The following RADIL variants were observed in gnomAD, a reference collection of about 807,000 sequenced individuals.
RADIL encodes ras-associating and dilute domain-containing protein.
A neutral mutation model predicts 97.6 loss-of-function variants in RADIL; 99 were observed. That is an observed-to-expected ratio of 1.01 (90% CI 0.86 to 1.20). RADIL has a LOEUF of 1.20. Ranked by LOEUF, RADIL falls within the 50% of genes most tolerant of loss-of-function variation. RADIL has a pLI of 0.00. For synonymous variants in RADIL, 803 were observed against 691.8 expected, an observed-to-expected ratio of 1.16 and a Z score of -2.52; for missense variants, 1,765 against 1,498.9, an observed-to-expected ratio of 1.18 and a Z score of -2.93.
intron 9 of RADIL, chr7:4,811,181 T>C (rs1201695787): frequency 6.6e-6 from 1 of 152,172 alleles, no homozygotes; most frequent in Admixed American, 6.5e-5. Flanking sequence ...GTTTTTGCTT[T>C]TGTTTTTTAA....
intron 2 of RADIL, among the ~76,000 whole-genome samples, chr7:4,855,830 C>A (rs1164716323): frequency 6.6e-6 from 1 of 152,004 alleles, no homozygotes; most frequent in Non-Finnish European, 1.5e-5. Flanking sequence ...GAGTCTTGCT[C>A]TGTCGCTCAG....
In RADIL at chr7:4,835,094, T is replaced by C. The variant is rs763354669; in HGVS notation, c.929A>G (p.Gln310Arg). ...IRRQPLPDSG[Q>R]AAGRLVLEPI... ...CTCCAGGACCAGCCTCCCCGCGGCC[T>C]GGCCGCTGTCCGGGAGCGGTTGCCG... Residue 310 changes from glutamine (Q) to arginine (R), a missense_variant, in exon 4 of 15, where the codon CAG becomes CGG. Transcript: ENST00000399583. This position sits in a 1 kb window ranked among gnomAD's most constrained non-coding sequence, Gnocchi z 5.8. 1 of 1,608,524 alleles carries C rather than the reference T, an allele frequency of 6.2e-7. No individual in the cohort carries two copies. Among genetic ancestry groups the C allele is most frequent in the East Asian group, 2.2e-5 (1 of 44,688 alleles).
At position 4,883,287 on chromosome 7, in the gene RADIL, C is replaced by G. The variant is rs1021076321; in HGVS notation, c.-65+309G>C. Reference sequence around the variant, plus strand: ...CCTGGAGTTGGGGGTCCGGGGCCCACGCGGACAGCCAGGCTCAGGAGCTCT... The same window carrying G: ...CCTGGAGTTGGGGGTCCGGGGCCCAGGCGGACAGCCAGGCTCAGGAGCTCT... On this transcript the variant is annotated intron_variant, in intron 1 of 14. Coordinates refer to ENST00000399583, the MANE Select transcript of RADIL (RefSeq NM_018059.5). This position sits in a 1 kb window ranked among gnomAD's most constrained non-coding sequence, Gnocchi z 7.1. 5.3e-5 allele frequency among the ~76,000 whole-genome samples: 8 copies of G among 151,114 alleles called. No homozygotes were observed. The highest frequency in any genetic ancestry group is 1.0e-4 in the Non-Finnish European group (7 of 67,922).
chr7:4,861,647 T>A, intron 2 of RADIL: 1 of 1,607,284 alleles, frequency 6.2e-7, no homozygotes, highest in Non-Finnish European at 8.5e-7. Context: ...TTCCTCTTCC[T>A]CTTCGAAGAC....
At position 4,799,680 on chromosome 7, in the gene RADIL, G is replaced by T; in HGVS notation, c.3072C>A (p.Asp1024Glu). 1 of 1,590,596 alleles carries T rather than the reference G, an allele frequency of 6.3e-7. No homozygotes were observed. The part of the protein sequence containing the change: ...AAADGRLSLG[D>E]RILEVNGSSL... The stretch of plus-strand genomic sequence containing the variant: ...TGCTGCCATTCACCTCCAGGATACG[G>T]TCCCCCAGCGACAGGCGCCCGTCGG... Residue 1024 changes from aspartate (D) to glutamate (E), a missense_variant, in exon 14 of 15, where the codon GAC (aspartate) becomes GAA (glutamate). Asp to Glu is a conservative substitution (Grantham distance 45). Transcript: ENST00000399583.
intron 2 of RADIL, among the ~76,000 whole-genome samples, chr7:4,848,275 A>T (rs1028222112): frequency 6.6e-6 from 1 of 152,024 alleles, no homozygotes; most frequent in Non-Finnish European, 1.5e-5. Context: ...ACAACTTTGT[A>T]AATTTACTAA....
rs761054039 is a variant in RADIL at position 4,834,870 on chromosome 7, C to T, written c.1153G>A (p.Ala385Thr). Residue 385 changes from alanine (A) to threonine (T), a missense_variant, in exon 4 of 15, where the codon GCG (alanine) becomes ACG (threonine). Physicochemically the swap from Ala to Thr is moderately conservative, Grantham distance 58 (BLOSUM62 0). Transcript: ENST00000399583. The surrounding 1 kb of genome is among the most constrained non-coding windows in gnomAD (Gnocchi z 6.0). The stretch of plus-strand genomic sequence containing the variant: ...GAGGCGGCTCCCCGGGCCCCGAGCG[C>T]GGCCCCGCACAGCCGGCAGCTCTGC... Reference protein sequence around the residue: ...VPQSCRLCGAALGARGAASPT... With the variant: ...VPQSCRLCGATLGARGAASPT... The T allele has an allele frequency of 2.2e-6, 3 of 1,345,476 alleles. No individual in the cohort carries two copies. The highest frequency in any genetic ancestry group is 3.1e-5 in the East Asian group (1 of 32,310). 83.3% of individuals were successfully genotyped at this position (1,345,476 alleles called of 1,614,324 possible).
At chr7:4,810,836 T>G (rs1782523527) in intron 9 of RADIL, among the ~76,000 whole-genome samples, 1 of 152,190 alleles carries the variant, frequency 6.6e-6, no homozygotes, top group Non-Finnish European at 1.5e-5. Context: ...GTGTTCGGTG[T>G]TTAAAACGCT....
At chr7:4,852,273 A>G (rs917740059) in intron 2 of RADIL, among the ~76,000 whole-genome samples, 1 of 152,182 alleles carries the variant, frequency 6.6e-6, no homozygotes, top group Admixed American at 6.5e-5. Context: ...GATGACTCAG[A>G]GGATGAAGCC....
At chr7:4,861,884 C>G (rs1242935964) in intron 2 of RADIL, 4 of 573,334 alleles carry the variant, frequency 7.0e-6, no homozygotes, top group African/African-American at 3.6e-5. Flanking sequence ...GGTCATGATC[C>G]GCTGAGGCGG....
At chr7:4,808,544 G>C (rs945358631) in intron 9 of RADIL, 2 of 970,168 alleles carry the variant, frequency 2.1e-6, no homozygotes, top group Admixed American at 6.2e-5. Context: ...ACAAAACAAA[G>C]AAGGAGATGG....
chr7:4,856,592 C>T (rs1783837255), intron 2 of RADIL, among the ~76,000 whole-genome samples: 1 of 152,222 alleles, frequency 6.6e-6, no homozygotes, highest in African/African-American at 2.4e-5. Context: ...TCTCTTCTTT[C>T]ATGACTTGAG....
rs1445002066 is a variant in RADIL at position 4,801,770 on chromosome 7, G to GA, written c.2724dup (p.Pro909SerfsTer5). The GA allele has an allele frequency of 6.2e-7, 1 of 1,610,398 alleles. No homozygotes were observed. The highest frequency in any genetic ancestry group is 8.5e-7 in the Non-Finnish European group (1 of 1,179,150). On this transcript the variant is annotated frameshift_variant, in exon 12 of 15. Transcript: ENST00000399583. LOFTEE classifies it high-confidence loss of function. ...GGGTCCCCAGGCTCAGGGCCAAGTG[G>GA]AGTGCTGGGAGGCGTGAGCAAGCAG...
chr7:4,860,959 GT>G (rs1280759684), intron 2 of RADIL: 2 of 1,614,098 alleles, frequency 1.2e-6, no homozygotes, highest in Non-Finnish European at 1.7e-6. Context: ...GTAACACTGG[GT>G]TTGGCCATTC....
intron 10 of RADIL, chr7:4,805,268 AG>A (rs1218789533): frequency 2.4e-5 from 9 of 382,208 alleles, no homozygotes; most frequent in Non-Finnish European, 3.8e-5. Context: ...ACAACAGGGG[AG>A]GCCCCATCCT....
In RADIL at chr7:4,872,885, C is replaced by T. The variant is rs4724128; in HGVS notation, c.535+4720G>A. ...AGGGGAGAGGCCTGAGAGACTTTGG[C>T]GAAATGCTTCCCCTGAAATGGTGCA... On this transcript the variant is annotated intron_variant, in intron 2 of 14. Transcript: ENST00000399583. The surrounding 1 kb of genome is among the most constrained non-coding windows in gnomAD (Gnocchi z 5.8). Among the ~76,000 whole-genome samples, 10 of 152,032 alleles carry T rather than the reference C, an allele frequency of 6.6e-5. No homozygotes were observed. The highest frequency in any genetic ancestry group is 1.9e-4 in the African/African-American group (8 of 41,380).
chr7:4,820,776 C>A (rs1194750704), intron 6 of RADIL, among the ~76,000 whole-genome samples: 5 of 152,308 alleles, frequency 3.3e-5, no homozygotes, highest in African/African-American at 1.2e-4. Flanking sequence ...CCAGCCTGGT[C>A]TCTGCAGCCC....
chr7:4,860,059 T>G, intron 2 of RADIL: 26 of 1,614,004 alleles, frequency 1.6e-5, no homozygotes, highest in Non-Finnish European at 2.1e-5. Context: ...CCCCTGAACT[T>G]TCATTGGTAT....
intron 5 of RADIL, among the ~76,000 whole-genome samples, chr7:4,827,811 CT>C (rs1280003010): frequency 6.6e-6 from 1 of 152,182 alleles, no homozygotes; most frequent in Non-Finnish European, 1.5e-5. Context: ...CTCATACAAA[CT>C]GATCTGGAGA....
Sources: gnomAD v4.1 joint callset for allele counts (sites outside exome capture counted in the v4.1 genomes callset) on GRCh38, gnomAD v4.1.1 for gene constraint, Gnocchi (gnomAD v3.1) non-coding constraint, MANE v1.5 for transcripts, NCBI Gene and HGNC (gene_info 2026-07-23, HGNC 2026-07-21) for gene names.